The following RP1L1 variants were observed in gnomAD, a reference collection of about 807,000 sequenced individuals.
RP1L1 encodes the protein retinitis pigmentosa 1-like 1 protein.
RP1L1 carries 27 observed loss-of-function variants against 15.7 expected under a neutral mutation model. That is an observed-to-expected ratio of 1.72 (90% confidence interval 1.27 to 2.38). The LOEUF (loss-of-function observed/expected upper bound fraction) is 2.38, where lower values mean the gene tolerates loss of function less well. Ranked by LOEUF, RP1L1 falls within the 30% of genes most tolerant of loss-of-function variation. RP1L1 has a pLI of 0.00. For synonymous variants in RP1L1, 1,813 were observed against 1,276.7 expected (o/e 1.42, Z -8.96); for missense variants, 4,798 against 3,075.9 (o/e 1.56, Z -13.24).
In RP1L1 at chr8:10,609,445, A is replaced by T. The variant is rs1797783806; in HGVS notation, c.4653T>A (p.Asp1551Glu). Residue 1551 changes from aspartate to glutamate, a missense_variant, in exon 4 of 4, where the codon GAT becomes GAA. Transcript: ENST00000382483. ...LRARWGLQDN[D>E]LLDQMAAELQ... ...GCTCGGCCGCCATCTGGTCCAGCAG[A>T]TCATTGTCCTGCAGGCCCCAGCGTG... 1 of 1,612,290 alleles carries T rather than the reference A, an allele frequency of 6.2e-7. No individual in the cohort carries two copies. The highest frequency in any genetic ancestry group is 1.3e-5 in the African/African-American group (1 of 74,900).
chr8:10,608,677 G>T lies in RP1L1; in HGVS notation c.5421C>A (p.Gly1807=). ...CCTGCAAGTTGTCCTCATGCCCAGAGCCTTGACCCCCAGTTTCTCCCCTTT... is the reference window on the plus strand; with the variant it reads ...CCTGCAAGTTGTCCTCATGCCCAGATCCTTGACCCCCAGTTTCTCCCCTTT... ...ISERGETGGQ[G]SGHEDNLQGE... The change falls in exon 4 of 4, where the codon GGC becomes GGA. Residue 1807 remains glycine (G), a synonymous_variant. Transcript: ENST00000382483. 6.2e-7 allele frequency: 1 copy of T among 1,614,190 alleles called. No homozygotes were observed. Among genetic ancestry groups the T allele is most frequent in the Non-Finnish European group, 8.5e-7 (1 of 1,180,038 alleles).
chr8:10,609,279 T>G lies in RP1L1; in HGVS notation c.4819A>C (p.Arg1607=). 6.2e-7 allele frequency: 1 copy of G among 1,610,164 alleles called. No homozygotes were observed. Among genetic ancestry groups the G allele is most frequent in the Non-Finnish European group, 8.5e-7 (1 of 1,179,676 alleles). ...TTTCGCAGGCCCCGGAGACGGTGTC[T>G]GCGCTGCTGGGTCTGCAGGAGCAGC... ...GELLLQTQQR[R]HRLRGLRNLS... The change falls in exon 4 of 4, where the codon AGA becomes CGA. Residue 1607 remains arginine (R), a synonymous_variant. Transcript: ENST00000382483.
Position 10,610,035 on chromosome 8 carries a change from G to C in RP1L1, c.4063C>G (p.Gln1355Glu), listed in dbSNP as rs779870616. The change falls in exon 4 of 4, where the codon CAG becomes GAG. Residue 1355 changes from glutamine (Q) to glutamate (E), a missense_variant. By Grantham distance (29) the Gln-to-Glu change is conservative (BLOSUM62 2). Transcript: ENST00000382483. ...CCTGTTTCTTCAATTTCCTCTAACTGCGCCTCTTCTTCTTGCTGTCCTTCT... is the reference window on the plus strand; with the variant it reads ...CCTGTTTCTTCAATTTCCTCTAACTCCGCCTCTTCTTCTTGCTGTCCTTCT... Reference protein sequence around the residue: ...EGEGQQEEEAQLEEIEETGGE... With the variant: ...EGEGQQEEEAELEEIEETGGE... 2 of 1,329,716 alleles carry C rather than the reference G, an allele frequency of 1.5e-6. No individual in the cohort carries two copies. The highest frequency in any genetic ancestry group is 5.4e-5 in the Admixed American group (2 of 37,156). The allele number at this position is 1,329,716 out of a possible 1,614,324, so 82.4% of individuals were successfully genotyped here.
At position 10,608,127 on chromosome 8, in the gene RP1L1, C is replaced by G; in HGVS notation, c.5971G>C (p.Gly1991Arg). 1 of 1,612,922 alleles carries G rather than the reference C, an allele frequency of 6.2e-7. No homozygotes were observed. Among genetic ancestry groups the G allele is most frequent in the Non-Finnish European group, 8.5e-7 (1 of 1,179,724 alleles). ...TCTTCTGACTCTGGCTGGGCCTCCC[C>G]TTCTGCCTCCTGGGTCTCCACTTCA... The part of the protein sequence containing the change: ...EVEVETQEAE[G>R]EAQPESEDVE... Residue 1991 changes from glycine to arginine, a missense_variant, in exon 4 of 4, where the codon GGG becomes CGG. Physicochemically the swap from Gly to Arg is moderately radical, Grantham distance 125. Coordinates refer to ENST00000382483, the MANE Select transcript of RP1L1 (RefSeq NM_178857.6).
In RP1L1 at chr8:10,617,649, C is replaced by T. The variant is rs1406390013; in HGVS notation, c.610-1062G>A. Among the ~76,000 whole-genome samples the T allele has an allele frequency of 2.0e-4, 29 of 143,178 alleles. 1 individual carries two copies. Among genetic ancestry groups the T allele is most frequent in the South Asian group, 2.3e-4 (1 of 4,432 alleles). 93.9% of individuals were successfully genotyped at this position (143,178 alleles called of 152,430 possible). On this transcript the variant is annotated intron_variant, in intron 2 of 3. Transcript: ENST00000382483. ...TGGGCTCACTGCAAGCTCTGCCTCCCGGGTTCATGCCATTCTCCTGCCTCA... is the reference window on the plus strand; with the variant it reads ...TGGGCTCACTGCAAGCTCTGCCTCCTGGGTTCATGCCATTCTCCTGCCTCA...
Position 10,609,650 on chromosome 8 carries a change from G to T in RP1L1, c.4448C>A (p.Ala1483Asp). ...CGTGTGCTCTTGGCCCATCATGGTG[G>T]CTCCGGGCGGCTTTTCCAAACCAGG... The part of the protein sequence containing the change: ...LEPGLEKPPG[A>D]TMMGQEHTQA... Residue 1483 changes from alanine (A) to aspartate (D), a missense_variant, in exon 4 of 4, where the codon GCC becomes GAC. By Grantham distance (126) the Ala-to-Asp change is moderately radical. Transcript: ENST00000382483. The T allele has an allele frequency of 6.2e-7, 1 of 1,609,756 alleles. No individual in the cohort carries two copies. The highest frequency in any genetic ancestry group is 8.5e-7 in the Non-Finnish European group (1 of 1,179,938).
At chr8:10,645,313 T>C (rs1432654762) in intron 1 of RP1L1, among the ~76,000 whole-genome samples, 2 of 152,000 alleles carry the variant, frequency 1.3e-5, no homozygotes, top group Non-Finnish European at 2.9e-5. Flanking sequence ...GGCTACAGAG[T>C]GAGACCCTGT....
At chr8:10,623,413 A>T (rs1196949427) in intron 1 of RP1L1, among the ~76,000 whole-genome samples, 193 bp from the exon 2 acceptor site, 2 of 152,178 alleles carry the variant, frequency 1.3e-5, no homozygotes, top group African/African-American at 4.8e-5. Context: ...TCTGAGTTCA[A>T]ACTCCAGCCC....
intron 1 of RP1L1, among the ~76,000 whole-genome samples, chr8:10,632,439 G>T (rs1798266660): frequency 1.3e-5 from 2 of 152,190 alleles, no homozygotes; most frequent in South Asian, 4.1e-4. Context: ...TATGCAATCT[G>T]ACTTATTGAT....
rs370783049 is a variant in RP1L1 at position 10,606,947 on chromosome 8, G to T, written c.7151C>A (p.Thr2384Asn). The T allele has an allele frequency of 3.4e-5, 55 of 1,614,132 alleles. No individual in the cohort carries two copies. The African/African-American group carries it at 6.3e-4, about 18-fold the overall frequency. The change falls in exon 4 of 4, where the codon ACT becomes AAT. Residue 2384 changes from threonine (T) to asparagine (N), a missense_variant. Coordinates refer to ENST00000382483, the MANE Select transcript of RP1L1 (RefSeq NM_178857.6). Reference protein sequence around the residue: ...EDQALGSLAPTEAVGRADGFG... With the variant: ...EDQALGSLAPNEAVGRADGFG... ...GCCGTCTGCCCTGCCCACTGCCTCA[G>T]TGGGGGCGAGACTTCCGAGTGCCTG...
rs950964409 is a variant in RP1L1, at chr8:10,606,762, C to T, written c.*133G>A. ...AGGACAGCATGGCATGGGCTGTGTCCTTGGCAAGTCCTTGGTCTTTGTCCA... is the reference window on the plus strand; with the variant it reads ...AGGACAGCATGGCATGGGCTGTGTCTTTGGCAAGTCCTTGGTCTTTGTCCA... On this transcript the variant is annotated 3_prime_UTR_variant, in exon 4 of 4. Transcript: ENST00000382483. 4.1e-6 allele frequency: 6 copies of T among 1,475,668 alleles called. No individual in the cohort carries two copies. The highest frequency in any genetic ancestry group is 5.5e-6 in the Non-Finnish European group (6 of 1,099,608). 91.4% of individuals were successfully genotyped at this position (1,475,668 alleles called of 1,614,324 possible). A position where few individuals can be genotyped will look rare whatever the true frequency, so the allele number is the denominator to read the frequency against.
Position 10,611,748 on chromosome 8 carries a change from A to G in RP1L1, c.2350T>C (p.Cys784Arg), listed in dbSNP as rs1284431437. The change falls in exon 4 of 4, where the codon TGC (cysteine) becomes CGC (arginine). Residue 784 changes from cysteine (C) to arginine (R), a missense_variant. Physicochemically the swap from Cys to Arg is radical, Grantham distance 180. Transcript: ENST00000382483. Reference protein sequence around the residue: ...APIPPHTSDSCSKSGAASLGE... With the variant: ...APIPPHTSDSRSKSGAASLGE... ...AGGCTGGCAGCCCCAGATTTTGAGC[A>G]GGAGTCGGATGTGTGGGGAGGTATG... 1 of 1,613,596 alleles carries G rather than the reference A, an allele frequency of 6.2e-7. No homozygotes were observed.
At position 10,612,320 on chromosome 8, in the gene RP1L1, G is replaced by A. The variant is rs368595581; in HGVS notation, c.1778C>T (p.Thr593Met). Reference sequence around the variant, plus strand: ...GGCCTGCTCGGTGCCCTGTCCTTGCGTCTCTGCCTGCAGGTCGTCACTCCT... The same window carrying A: ...GGCCTGCTCGGTGCCCTGTCCTTGCATCTCTGCCTGCAGGTCGTCACTCCT... ...SLRSDDLQAE[T>M]QGQGTEQATG... is the part of the protein sequence containing the mutation. Residue 593 changes from threonine to methionine, a missense_variant, in exon 4 of 4, where the codon ACG (threonine) becomes ATG (methionine). Thr to Met is a moderately conservative substitution (Grantham distance 81, BLOSUM62 -1). Coordinates refer to ENST00000382483, the MANE Select transcript of RP1L1 (RefSeq NM_178857.6). 4.3e-5 allele frequency: 70 copies of A among 1,613,120 alleles called. No individual in the cohort carries two copies. Among genetic ancestry groups the A allele is most frequent in the East Asian group, 1.6e-4 (7 of 44,882 alleles).
At chr8:10,647,942 AT>A (rs1798503281) in intron 1 of RP1L1, among the ~76,000 whole-genome samples, 1 of 152,250 alleles carries the variant, frequency 6.6e-6, no homozygotes, top group Admixed American at 6.5e-5. Context: ...CGGCTGCACC[AT>A]TTTATATTCC....
At position 10,606,651 on chromosome 8, in the gene RP1L1, G is replaced by T. The variant is rs12542071; in HGVS notation, c.*244C>A. On this transcript the variant is annotated 3_prime_UTR_variant, in exon 4 of 4. Coordinates refer to ENST00000382483, the MANE Select transcript of RP1L1 (RefSeq NM_178857.6). ...GGAGCCGGGCTGACCTCCGATAACC[G>T]GGCAGATCCGCAGACACCCCCTTTC... is the stretch of plus-strand genomic sequence containing the variant. 1 of 591,696 alleles carries T rather than the reference G, an allele frequency of 1.7e-6. No homozygotes were observed. Among genetic ancestry groups the T allele is most frequent in the East Asian group, 3.1e-5 (1 of 32,330 alleles). The allele number at this position is 591,696 out of a possible 1,614,324, so 36.7% of individuals were successfully genotyped here. A position where few individuals can be genotyped will look rare whatever the true frequency, so the allele number is the denominator to read the frequency against.
In RP1L1 at chr8:10,616,516, G is replaced by T; in HGVS notation, c.681C>A (p.Thr227=). The change falls in exon 3 of 4, where the codon ACC becomes ACA. Residue 227 remains threonine (T), a synonymous_variant. Coordinates refer to ENST00000382483, the MANE Select transcript of RP1L1 (RefSeq NM_178857.6). ...LVCAGHEAFR[T]PAMKNARRSE... ...TTCTCCTGGCATTTTTCATGGCTGGGGTTCTGAAGGCCTCATGCCCGGCAC... is the reference window on the plus strand; with the variant it reads ...TTCTCCTGGCATTTTTCATGGCTGGTGTTCTGAAGGCCTCATGCCCGGCAC... 6.2e-7 allele frequency: 1 copy of T among 1,614,200 alleles called. No individual in the cohort carries two copies. Among genetic ancestry groups the T allele is most frequent in the Non-Finnish European group, 8.5e-7 (1 of 1,180,042 alleles).
rs757162603 is a variant in RP1L1, at chr8:10,607,876, T to C, written c.6222A>G (p.Ala2074=). The C allele has an allele frequency of 2.5e-6, 4 of 1,587,780 alleles. No homozygotes were observed. The highest frequency in any genetic ancestry group is 2.6e-6 in the Non-Finnish European group (3 of 1,165,562). Residue 2074 remains alanine (A), a synonymous_variant, in exon 4 of 4, where the codon GCA becomes GCG. Coordinates refer to ENST00000382483, the MANE Select transcript of RP1L1 (RefSeq NM_178857.6). ...CTGACTCTGGGTGGGCCTCCCCTTC[T>C]GCCTCCTGGACCTCCCCTTCAGCCT... ...AQEAEGEVQE[A]EGEAHPESED... is the part of the protein sequence containing the mutation.
chr8:10,625,782 G>T (rs4543505), intron 1 of RP1L1, among the ~76,000 whole-genome samples: 53,863 of 151,728 alleles, frequency 0.35, 11,117 homozygotes, highest in East Asian at 0.51. Context: ...GTGGTGGGTG[G>T]TCTCAGTGAG....
intron 3 of RP1L1, among the ~76,000 whole-genome samples, chr8:10,614,498 A>G (rs920350765): frequency 2.0e-5 from 3 of 152,048 alleles, no homozygotes; most frequent in African/African-American, 7.2e-5. Flanking sequence ...CATCTCTACT[A>G]AAAGCACAAA....
Sources: allele counts gnomAD v4.1 joint callset (sites outside exome capture counted in the v4.1 genomes callset), GRCh38; gene constraint gnomAD v4.1.1; transcripts MANE v1.5; gene names NCBI Gene and HGNC (gene_info 2026-07-23, HGNC 2026-07-21).